Variants in PGAP2 observed in about 807,000 individuals in gnomAD.
The protein encoded by PGAP2 is post-GPI attachment to proteins 2, also known as acyltransferase PGAP2.
A neutral mutation model predicts 33.2 loss-of-function variants in PGAP2; 21 were observed. That is an observed-to-expected ratio of 0.63 (90% CI 0.45 to 0.91). The LOEUF is 0.91. Among genes scored for constraint, PGAP2 ranks in the 40% least tolerant of loss-of-function variants. The pLI, the probability that PGAP2 is intolerant of heterozygous loss-of-function variation, is 0.00. For missense variants in PGAP2, 345 were observed against 424.0 expected (o/e 0.81, Z 1.64); for synonymous variants, 161 against 172.9 (o/e 0.93, Z 0.54).
intron 1 of PGAP2, among the ~76,000 whole-genome samples, chr11:3,800,798 T>C (rs1453430076): frequency 2.6e-5 from 3 of 117,280 alleles, no homozygotes; most frequent in South Asian, 2.5e-4. Context: ...GGCCACAGAG[T>C]GAGACTCCGT....
chr11:3,823,019 C>CTTTTCTTTTTTT, intron 3 of PGAP2: 1 of 385,008 alleles, frequency 2.6e-6, no homozygotes, highest in South Asian at 5.3e-5. Context: ...TTTCTTTTTT[C>CTTTTCTTTTTTT]TTTTCTTTTT....
intron 1 of PGAP2, among the ~76,000 whole-genome samples, chr11:3,798,634 A>ACTTTTTTT (rs1172054010): frequency 1.3e-5 from 1 of 75,764 alleles, no homozygotes; most frequent in African/African-American, 6.5e-5. Context: ...CCCATGAACT[A>ACTTTTTTT]ATTTTTTTTT....
intron 1 of PGAP2, among the ~76,000 whole-genome samples, chr11:3,803,438 G>GT (rs779700639): frequency 1.4e-5 from 2 of 147,712 alleles, no homozygotes; most frequent in Admixed American, 6.8e-5. Context: ...TTTTTGTTTT[G>GT]TTTTTTTGAG....
chr11:3,804,224 G>A (rs1319234156), upstream of PGAP2, among the ~76,000 whole-genome samples: 2 of 152,086 alleles, frequency 1.3e-5, no homozygotes, highest in Admixed American at 1.3e-4. Context: ...CTTTACGGAA[G>A]GATAGAGTTT....
upstream of PGAP2, chr11:3,808,380 C>A: frequency 2.6e-6 from 4 of 1,546,110 alleles, no homozygotes; most frequent in Non-Finnish European, 3.5e-6. Flanking sequence ...TTCCGGCTGC[C>A]CTCACGCAGC....
upstream of PGAP2, among the ~76,000 whole-genome samples, chr11:3,807,474 A>T (rs763664823): frequency 1.3e-5 from 2 of 150,442 alleles, no homozygotes; most frequent in Non-Finnish European, 3.0e-5. Context: ...TGCCCGGCTA[A>T]TTTTTGTATT....
intron 2 of PGAP2, chr11:3,816,251 G>C (rs758629137): frequency 6.5e-6 from 1 of 152,862 alleles, no homozygotes; most frequent in Admixed American, 6.5e-5. Flanking sequence ...CTTCAGCACC[G>C]AGTGTGAGTG....
At chr11:3,815,883 A>G (rs937556741) in intron 2 of PGAP2, among the ~76,000 whole-genome samples, 4 of 152,144 alleles carry the variant, frequency 2.6e-5, no homozygotes, top group Non-Finnish European at 5.9e-5. Context: ...GTGAGGCCCA[A>G]CAAGCCCTCT....
chr11:3,825,215 C>T, intron 6 of PGAP2, 87 bp downstream of exon 6: 1 of 1,555,046 alleles, frequency 6.4e-7, no homozygotes, highest in Non-Finnish European at 8.9e-7. Context: ...GTCTTGGGGA[C>T]TGGCTGCCAT....
chr11:3,820,334 T>C (rs2088240328), intron 3 of PGAP2, among the ~76,000 whole-genome samples: 1 of 152,210 alleles, frequency 6.6e-6, no homozygotes, highest in Admixed American at 6.5e-5. Flanking sequence ...CCATCACTTA[T>C]TGTACTTAAC....
intron 5 of PGAP2, 82 bp from the exon 6 acceptor site, chr11:3,824,938 C>A: frequency 6.3e-7 from 1 of 1,590,526 alleles, no homozygotes; most frequent in South Asian, 1.2e-5. Flanking sequence ...TAAGGCCCAG[C>A]CCTTAGGAGT....
intron 1 of PGAP2, chr11:3,798,005 G>A (rs1023375231): frequency 4.6e-6 from 7 of 1,535,146 alleles, no homozygotes; most frequent in Admixed American, 2.1e-5. Context: ...CCCTTTCCTT[G>A]CCCCGGTCCG....
intron 1 of PGAP2, among the ~76,000 whole-genome samples, chr11:3,800,438 C>A (rs1035900943): frequency 1.8e-4 from 27 of 152,136 alleles, no homozygotes; most frequent in African/African-American, 6.5e-4. Flanking sequence ...TCAGAGAACC[C>A]TGGTTTAAAT....
chr11:3,817,329 A>G (rs1158586992), intron 2 of PGAP2, 24 bp from the exon 3 acceptor site: 4 of 1,589,860 alleles, frequency 2.5e-6, no homozygotes, highest in Middle Eastern at 1.8e-4. Context: ...CCAGGCCCCA[A>G]GTTGTATCCC....
At chr11:3,809,105 A>G (rs2085031844) in intron 1 of PGAP2, among the ~76,000 whole-genome samples, 1 of 152,176 alleles carries the variant, frequency 6.6e-6, no homozygotes, top group African/African-American at 2.4e-5. Flanking sequence ...AAAAGAGACA[A>G]TGTATATCAA....
rs746736798 is a variant in PGAP2, at chr11:3,823,024, CTTTTT to C, written c.349-833_349-829del. 620 of 307,194 alleles carry C rather than the reference CTTTTT, an allele frequency of 2.0e-3. 1 individual carries two copies. Among genetic ancestry groups the C allele is most frequent in the Middle Eastern group, 5.1e-3 (5 of 980 alleles). 19.0% of individuals were successfully genotyped at this position (307,194 alleles called of 1,614,324 possible). ...GAGCACCCACTTTCTTTTTTCTTTT[CTTTTT>C]TTTTTTTTTTTTTTTTTTTTTTTTT... On this transcript the variant is annotated intron_variant, in intron 3 of 6. Transcript: ENST00000278243.
chr11:3,806,502 C>A (rs1364247724), upstream of PGAP2, among the ~76,000 whole-genome samples: 1 of 152,104 alleles, frequency 6.6e-6, no homozygotes, highest in Non-Finnish European at 1.5e-5. Flanking sequence ...TCCACCATTG[C>A]TCCACATGAG....
intron 3 of PGAP2, among the ~76,000 whole-genome samples, chr11:3,820,971 A>G (rs1028839773): frequency 2.6e-5 from 4 of 152,188 alleles, no homozygotes; most frequent in Admixed American, 2.6e-4. Context: ...TGGGATGCAG[A>G]CTCAGCTTTG....
chr11:3,825,019 G>C lies in PGAP2; in HGVS notation c.709-1G>C, dbSNP rs2089770401. The C allele has an allele frequency of 6.2e-7, 1 of 1,614,022 alleles. No individual in the cohort carries two copies. Among genetic ancestry groups the C allele is most frequent in the Non-Finnish European group, 8.5e-7 (1 of 1,180,026 alleles). On this transcript the variant is annotated splice_acceptor_variant, in intron 5 of 6. Coordinates refer to ENST00000278243, the MANE Select transcript of PGAP2 (RefSeq NM_014489.4). LOFTEE classifies it high-confidence loss of function. ...GAGTGATCAGACAGCCCATTCCCTA[G>C]GATCGCAAGTCCTACAGCTGGAAAC...
Sources: allele counts gnomAD v4.1 joint callset (sites outside exome capture counted in the v4.1 genomes callset), GRCh38; gene constraint gnomAD v4.1.1; transcripts MANE v1.5; gene names NCBI Gene and HGNC (gene_info 2026-07-23, HGNC 2026-07-21).